The following ZNF532 variants were observed in gnomAD, a reference collection of about 807,000 sequenced individuals.
ZNF532 encodes zinc finger protein 532.
ZNF532 carries 22 observed loss-of-function variants against 89.3 expected under a neutral mutation model. The ratio of observed to expected loss-of-function variants is 0.25; its 90% CI spans 0.18 to 0.35. The LOEUF (loss-of-function observed/expected upper bound fraction) is 0.35, where lower values mean the gene tolerates loss of function less well. Ranked by LOEUF, ZNF532 falls within the 10% of genes least tolerant of loss-of-function variation. ZNF532 has a pLI of 1.00. For missense variants in ZNF532, 1,132 were observed against 1,643.4 expected (o/e 0.69, Z 5.38); for synonymous variants, 606 against 649.6 (o/e 0.93, Z 1.02).
chr18:58,868,992 A>C (rs1055662337), intron 2 of ZNF532, among the ~76,000 whole-genome samples: 1 of 152,200 alleles, frequency 6.6e-6, no homozygotes, highest in African/African-American at 2.4e-5. Context: ...ACTGTACTGC[A>C]TACTGTAGGC....
chr18:58,950,644 T>C (rs1459607421), intron 6 of ZNF532, among the ~76,000 whole-genome samples: 1 of 152,152 alleles, frequency 6.6e-6, no homozygotes, highest in African/African-American at 2.4e-5. Context: ...TTAATCCAAT[T>C]TGTGTCATTT....
intron 2 of ZNF532, among the ~76,000 whole-genome samples, chr18:58,900,114 T>C (rs879932751): frequency 2.0e-5 from 3 of 152,204 alleles, no homozygotes; most frequent in Non-Finnish European, 4.4e-5. Context: ...GGTGATTGTT[T>C]AGGGATGAGG....
At chr18:58,935,460 A>C (rs1337765305) in intron 4 of ZNF532, among the ~76,000 whole-genome samples, 2 of 6,346 alleles carry the variant, frequency 3.2e-4, no homozygotes, top group Non-Finnish European at 2.8e-4. Flanking sequence ...CCTCCTCCCC[A>C]TTTCCTCCTT....
intron 3 of ZNF532, among the ~76,000 whole-genome samples, chr18:58,922,225 T>TC (rs2061159817): frequency 6.6e-6 from 1 of 152,216 alleles, no homozygotes; most frequent in South Asian, 2.1e-4. Flanking sequence ...TTCCTTTTTT[T>TC]CTCCCTCCAA....
chr18:58,920,666 GAT>G, intron 3 of ZNF532, 33 bp downstream of exon 3: 1 of 1,539,774 alleles, frequency 6.5e-7, no homozygotes, highest in Non-Finnish European at 8.8e-7. Flanking sequence ...GTGTTTCAGT[GAT>G]GAGTCTGTAG....
Position 58,983,576 on chromosome 18 carries a change from C to T in ZNF532, c.3412-396C>T, listed in dbSNP as rs2068085048. Among the ~76,000 whole-genome samples, 2 of 151,518 alleles carry T rather than the reference C, an allele frequency of 1.3e-5. 1 individual carries two copies. The highest frequency in any genetic ancestry group is 4.1e-4 in the South Asian group (2 of 4,830). ...CACCAGGCTGTCCCTGACCGTACCA[C>T]ATCACCTAGCAGCCACACATATACC... On this transcript the variant is annotated intron_variant, in intron 9 of 9. Coordinates refer to ENST00000591808, the MANE Select transcript of ZNF532 (RefSeq NM_001375912.1).
Position 58,918,529 on chromosome 18 carries a change from G to A in ZNF532, c.242G>A (p.Gly81Asp), listed in dbSNP as rs1320587772. 2.5e-6 allele frequency: 4 copies of A among 1,614,050 alleles called. No individual in the cohort carries two copies. Among genetic ancestry groups the A allele is most frequent in the African/African-American group, 2.7e-5 (2 of 74,888 alleles). Residue 81 changes from glycine to aspartate, a missense_variant, in exon 3 of 10, where the codon GGC becomes GAC. Physicochemically the swap from Gly to Asp is moderately conservative, Grantham distance 94 (BLOSUM62 -1). Coordinates refer to ENST00000591808, the MANE Select transcript of ZNF532 (RefSeq NM_001375912.1). The stretch of plus-strand genomic sequence containing the variant: ...TCTTCCGAGGGCGGGGAGAAAGACG[G>A]CCACAACCCCACTGGCAATGGCTTA... ...IDSSEGGEKD[G>D]HNPTGNGLHN...
intron 2 of ZNF532, among the ~76,000 whole-genome samples, chr18:58,905,131 C>T (rs1262155259): frequency 6.6e-6 from 1 of 152,128 alleles, no homozygotes; most frequent in East Asian, 1.9e-4. Context: ...TGTGAGCTGC[C>T]AAACCCGGCC....
At chr18:58,907,735 T>C (rs953437621) in intron 2 of ZNF532, among the ~76,000 whole-genome samples, 2 of 152,184 alleles carry the variant, frequency 1.3e-5, no homozygotes, top group Admixed American at 6.5e-5. Flanking sequence ...GGTAGATTTC[T>C]CATTTGTGCC....
intron 2 of ZNF532, among the ~76,000 whole-genome samples, chr18:58,889,677 G>A (rs2058742152): frequency 6.6e-6 from 1 of 152,036 alleles, no homozygotes; most frequent in Non-Finnish European, 1.5e-5. Flanking sequence ...GGAGGCTGAG[G>A]CAGAAGACTC....
At chr18:58,932,673 T>C (rs1412272646) in intron 3 of ZNF532, among the ~76,000 whole-genome samples, 1 of 152,206 alleles carries the variant, frequency 6.6e-6, no homozygotes, top group Non-Finnish European at 1.5e-5. Flanking sequence ...TTACTGAGCC[T>C]TCGTTTCCTT....
At chr18:58,975,178 A>G (rs923276134) in intron 7 of ZNF532, among the ~76,000 whole-genome samples, 1 of 152,118 alleles carries the variant, frequency 6.6e-6, no homozygotes, top group African/African-American at 2.4e-5. Flanking sequence ...TTCCTTTTTC[A>G]TAAAAAGGTG....
At position 58,939,493 on chromosome 18, in the gene ZNF532, T is replaced by G; in HGVS notation, c.2577T>G (p.Ser859=). ...ACTCTGATGTGGCTGCTCTGAAGTC[T>G]CACATTCAAGGTTCTCACTGTGAAG... ...VVYSDVAALK[S]HIQGSHCEVF... The change falls in exon 5 of 10, where the codon TCT becomes TCG. Residue 859 remains serine (S), a synonymous_variant. Coordinates refer to ENST00000591808, the MANE Select transcript of ZNF532 (RefSeq NM_001375912.1). 1 of 1,614,096 alleles carries G rather than the reference T, an allele frequency of 6.2e-7. No homozygotes were observed. The highest frequency in any genetic ancestry group is 8.5e-7 in the Non-Finnish European group (1 of 1,180,014).
chr18:58,884,983 T>G (rs919856714), intron 2 of ZNF532, among the ~76,000 whole-genome samples: 2 of 151,684 alleles, frequency 1.3e-5, no homozygotes, highest in African/African-American at 4.8e-5. Flanking sequence ...ACAAGGGTTT[T>G]TTTTTTTTTT....
rs2058655800 is a variant in ZNF532 at position 58,888,874 on chromosome 18, TA to T, written c.-18+23296del. Among the ~76,000 whole-genome samples, 12 of 53,668 alleles carry T rather than the reference TA, an allele frequency of 2.2e-4. 1 individual carries two copies. The East Asian group carries it at 4.2e-3, about 19-fold the overall frequency. 35.2% of individuals were successfully genotyped at this position (53,668 alleles called of 152,430 possible). A position where few individuals can be genotyped will look rare whatever the true frequency, so the allele number is the denominator to read the frequency against. On this transcript the variant is annotated intron_variant, in intron 2 of 9. Transcript: ENST00000591808. ...ATATAATTTATATATATATAATATATATTATATATATATATTTTATATATAT... is the reference window on the plus strand; with the variant it reads ...ATATAATTTATATATATATAATATATTTATATATATATATTTTATATATAT...
Position 58,920,823 on chromosome 18 carries a change from C to T in ZNF532, c.2346+190C>T, listed in dbSNP as rs550021269. On this transcript the variant is annotated intron_variant, in intron 3 of 9. Coordinates refer to ENST00000591808, the MANE Select transcript of ZNF532 (RefSeq NM_001375912.1). ...AGGGGAGGGGGAATGCCTGTGCAGC[C>T]GGGCACATGATCCAGTAAGGATTGT... Among the ~76,000 whole-genome samples the T allele has an allele frequency of 3.6e-4, 54 of 149,008 alleles. 1 individual carries two copies. The highest frequency in any genetic ancestry group is 1.0e-4 in the Non-Finnish European group (7 of 67,572).
intron 5 of ZNF532, among the ~76,000 whole-genome samples, chr18:58,942,180 G>A (rs1294816632): frequency 7.3e-5 from 11 of 151,394 alleles, no homozygotes; most frequent in Admixed American, 1.3e-4. Context: ...CCACCACCAC[G>A]CCTGGCTAAT....
At chr18:58,906,192 A>G (rs1450151988) in intron 2 of ZNF532, among the ~76,000 whole-genome samples, 5 of 152,070 alleles carry the variant, frequency 3.3e-5, no homozygotes, top group Admixed American at 6.6e-5. Context: ...AGGGGCAGGG[A>G]GTTCTTCACT....
chr18:58,926,465 G>T (rs1324392479), intron 3 of ZNF532, among the ~76,000 whole-genome samples: 1 of 152,134 alleles, frequency 6.6e-6, no homozygotes, highest in African/African-American at 2.4e-5. Context: ...AGCCTCCCGA[G>T]TAGCTGGGAT....
Sources: gnomAD v4.1 joint callset for allele counts (sites outside exome capture counted in the v4.1 genomes callset) on GRCh38, gnomAD v4.1.1 for gene constraint, MANE v1.5 for transcripts, NCBI Gene and HGNC (gene_info 2026-07-23, HGNC 2026-07-21) for gene names.